RFC1: variants seen among roughly 807,000 people sequenced by gnomAD.
RFC1 encodes the protein replication factor C subunit 1.
RFC1 carries 37 observed loss-of-function variants against 137.4 expected under a neutral mutation model. The ratio of observed to expected loss-of-function variants is 0.27; its 90% CI spans 0.21 to 0.35. The LOEUF (loss-of-function observed/expected upper bound fraction) is 0.35, where lower values mean the gene tolerates loss of function less well. Among genes scored for constraint, RFC1 ranks in the 10% least tolerant of loss-of-function variants. The pLI is 1.00. For missense variants in RFC1, 1,205 were observed against 1,358.5 expected (o/e 0.89, Z 1.78); for synonymous variants, 429 against 455.7 (o/e 0.94, Z 0.75).
At chr4:39,318,100 T>C (rs2109660210) in intron 9 of RFC1, 1 of 151,712 alleles carries the variant, frequency 6.6e-6, no homozygotes, top group African/African-American at 2.4e-5. Context: ...GAGCTTGCAG[T>C]GAGCTGAGAT....
rs1739615893 is a variant in RFC1 at position 39,323,380 on chromosome 4, C to G, written c.680G>C (p.Arg227Thr). 1 of 1,613,984 alleles carries G rather than the reference C, an allele frequency of 6.2e-7. No homozygotes were observed. The highest frequency in any genetic ancestry group is 1.3e-5 in the African/African-American group (1 of 74,926). Residue 227 changes from arginine (R) to threonine (T), a missense_variant, in exon 7 of 25, where the codon AGA (arginine) becomes ACA (threonine). Transcript: ENST00000349703. ...RQLHEDEEFA[R>T]TLAMLDEEPK... ...TTCTTCATCCAACATGGCTAATGTTCTGGCAAACTCTTCATCTTCATGCAA... is the reference window on the plus strand; with the variant it reads ...TTCTTCATCCAACATGGCTAATGTTGTGGCAAACTCTTCATCTTCATGCAA...
At chr4:39,304,781 A>G in intron 15 of RFC1, 33 bp downstream of exon 15, 4 of 1,194,586 alleles carry the variant, frequency 3.3e-6, no homozygotes, top group Non-Finnish European at 5.0e-6. Context: ...TTTTTCTTAT[A>G]TAACAACAAC....
chr4:39,337,720 CTA>C (rs1740428774), intron 4 of RFC1, among the ~76,000 whole-genome samples: 1 of 152,118 alleles, frequency 6.6e-6, no homozygotes, highest in Admixed American at 6.6e-5. Flanking sequence ...ATACACAAGA[CTA>C]TATGTCTCTA....
intron 1 of RFC1, among the ~76,000 whole-genome samples, chr4:39,360,598 G>C (rs1044889434): frequency 1.1e-4 from 17 of 152,064 alleles, no homozygotes; most frequent in African/African-American, 3.9e-4. Flanking sequence ...AGCCTGGCAT[G>C]GTGGCGAGCA....
At chr4:39,331,106 A>G (rs1740081615) in intron 4 of RFC1, among the ~76,000 whole-genome samples, 1 of 152,202 alleles carries the variant, frequency 6.6e-6, no homozygotes, top group Non-Finnish European at 1.5e-5. Flanking sequence ...CCTTTTCTCT[A>G]AAATAATTAC....
At chr4:39,365,218 G>A (rs906059735) in intron 1 of RFC1, among the ~76,000 whole-genome samples, 4 of 143,944 alleles carry the variant, frequency 2.8e-5, no homozygotes, top group African/African-American at 1.0e-4. Context: ...TAAAGAAGAT[G>A]CTTGGTACAA....
At chr4:39,335,109 T>C (rs1473164273) in intron 4 of RFC1, among the ~76,000 whole-genome samples, 1 of 152,162 alleles carries the variant, frequency 6.6e-6, no homozygotes, top group Non-Finnish European at 1.5e-5. Flanking sequence ...AAAAAGCAAA[T>C]TAATGAAGAG....
chr4:39,351,279 AAAAAAAC>A, intron 2 of RFC1, 62 bp downstream of exon 2: 95 of 532,752 alleles, frequency 1.8e-4, no homozygotes, highest in Non-Finnish European at 2.4e-4. Flanking sequence ...AAAAAAAAAA[AAAAAAAC>A]TTATAAGAAC....
intron 9 of RFC1, among the ~76,000 whole-genome samples, chr4:39,318,746 T>C (rs2062230): frequency 0.91 from 137,894 of 152,254 alleles, 64,013 homozygotes; most frequent in East Asian, 1. Flanking sequence ...AAATCTGAGA[T>C]CAAAAAGTTA....
intron 4 of RFC1, among the ~76,000 whole-genome samples, chr4:39,331,013 A>G (rs1578145055): frequency 6.6e-6 from 1 of 152,088 alleles, no homozygotes; most frequent in African/African-American, 2.4e-5. Context: ...AGGTAACATC[A>G]CCATTCCATT....
Position 39,351,336 on chromosome 4 carries a change from C to A in RFC1, c.132+12G>T. 1.4e-6 allele frequency: 2 copies of A among 1,474,684 alleles called. No individual in the cohort carries two copies. Among genetic ancestry groups the A allele is most frequent in the South Asian group, 1.3e-5 (1 of 76,058 alleles). 91.3% of individuals were successfully genotyped at this position (1,474,684 alleles called of 1,614,324 possible). On this transcript the variant is annotated intron_variant, in intron 2 of 24. Coordinates refer to ENST00000349703, the MANE Select transcript of RFC1 (RefSeq NM_002913.5). Reference sequence around the variant, plus strand: ...ATTTCATTCAATGCAAAATTATACCCAGAAAACTAACCTTGATTTCCTTTA... The same window carrying A: ...ATTTCATTCAATGCAAAATTATACCAAGAAAACTAACCTTGATTTCCTTTA...
intron 1 of RFC1, among the ~76,000 whole-genome samples, chr4:39,359,793 GCCT>G (rs1741658943): frequency 6.6e-6 from 1 of 150,388 alleles, no homozygotes; most frequent in African/African-American, 2.5e-5. Context: ...CTGCACTCCA[GCCT>G]GGGTGACAGA....
intron 2 of RFC1, 87 bp downstream of exon 2, chr4:39,351,261 A>C: frequency 1.0e-5 from 1 of 95,788 alleles, no homozygotes; most frequent in South Asian, 1.2e-4. Context: ...AGGAAAAAAA[A>C]AAAAAAAAAA....
At chr4:39,344,690 C>A (rs182797681) in intron 3 of RFC1, among the ~76,000 whole-genome samples, 1 of 152,156 alleles carries the variant, frequency 6.6e-6, no homozygotes, top group Non-Finnish European at 1.5e-5. Flanking sequence ...GTGGCCAAAG[C>A]GCAAGAATCG....
At chr4:39,295,087 C>A (rs558370801) in intron 22 of RFC1, among the ~76,000 whole-genome samples, 1 of 152,336 alleles carries the variant, frequency 6.6e-6, no homozygotes, top group South Asian at 2.1e-4. Flanking sequence ...CAAAACTGTA[C>A]CAAATGCAAG....
Position 39,359,798 on chromosome 4 carries a change from G to A in RFC1, c.3+6441C>T, listed in dbSNP as rs867768304. On this transcript the variant is annotated intron_variant, in intron 1 of 24. Transcript: ENST00000349703. ...GATTGCGCCACTGCACTCCAGCCTG[G>A]GTGACAGAGCGAGACTCTGTCTCAA... 4.0e-5 allele frequency among the ~76,000 whole-genome samples: 6 copies of A among 151,356 alleles called. No individual in the cohort carries two copies. The Middle Eastern group carries it at 0.017, about 432-fold the overall frequency.
intron 14 of RFC1, among the ~76,000 whole-genome samples, chr4:39,305,333 C>T (rs1371695150): frequency 3.3e-5 from 5 of 151,940 alleles, no homozygotes; most frequent in Non-Finnish European, 7.4e-5. Context: ...CAGCCAGGTG[C>T]GTTGACTCAC....
At chr4:39,292,174 G>A (rs1025170575) in intron 22 of RFC1, 2 of 290,338 alleles carry the variant, frequency 6.9e-6, no homozygotes, top group East Asian at 7.3e-5. Flanking sequence ...AATATGACTC[G>A]TTCCAAGTTC....
chr4:39,289,558 T>C (rs564836910), intron 24 of RFC1: 1 of 279,800 alleles, frequency 3.6e-6, no homozygotes, highest in Non-Finnish European at 6.6e-6. Flanking sequence ...ACAAACATTT[T>C]TCTTGAAAGC....
Sources: gnomAD v4.1 joint callset for allele counts (sites outside exome capture counted in the v4.1 genomes callset) on GRCh38, gnomAD v4.1.1 for gene constraint, MANE v1.5 for transcripts, NCBI Gene and HGNC (gene_info 2026-07-23, HGNC 2026-07-21) for gene names.